CCM2: variants seen among roughly 807,000 people sequenced by gnomAD.
CCM2 encodes the protein CCM2 scaffold protein, also known as cerebral cavernous malformations 2 protein.
In CCM2, 25 loss-of-function variants were observed where a neutral mutation model predicts 44.9. The observed-to-expected ratio is 0.56, with a 90% CI of 0.41 to 0.78. The LOEUF (loss-of-function observed/expected upper bound fraction) is 0.78. CCM2 is among the 30% of genes least tolerant of loss of function. The pLI, the probability that CCM2 is intolerant of heterozygous loss-of-function variation, is 0.00. For missense variants in CCM2, 481 were observed against 580.6 expected, an observed-to-expected ratio of 0.83 and a Z score of 1.76; for synonymous variants, 219 against 241.1, an observed-to-expected ratio of 0.91 and a Z score of 0.85.
intron 1 of CCM2, among the ~76,000 whole-genome samples, chr7:45,018,319 T>A (rs1279671368): frequency 6.6e-6 from 1 of 152,090 alleles, no homozygotes; most frequent in African/African-American, 2.4e-5. Flanking sequence ...GGATATAGAA[T>A]TCTAGGTTGA....
chr7:45,058,575 T>C (rs1455714001), intron 2 of CCM2, among the ~76,000 whole-genome samples: 2 of 151,336 alleles, frequency 1.3e-5, no homozygotes, highest in Admixed American at 6.6e-5. Flanking sequence ...CGGTGTTTGT[T>C]TTTTTGTCCT....
At chr7:45,005,420 C>T (rs575787534) in intron 1 of CCM2, among the ~76,000 whole-genome samples, 4 of 152,358 alleles carry the variant, frequency 2.6e-5, no homozygotes, top group East Asian at 1.9e-4. Flanking sequence ...AAACGTTTCT[C>T]TTAGCAATAT....
intron 1 of CCM2, among the ~76,000 whole-genome samples, chr7:45,035,101 G>C (rs916911619): frequency 6.6e-6 from 1 of 152,162 alleles, no homozygotes; most frequent in Non-Finnish European, 1.5e-5. Context: ...TCCCAAAAGT[G>C]TTGGGATTAT....
intron 1 of CCM2, among the ~76,000 whole-genome samples, chr7:45,004,079 C>T (rs1399643341): frequency 6.6e-6 from 1 of 151,978 alleles, no homozygotes; most frequent in African/African-American, 2.4e-5. Context: ...ACTTGGGATG[C>T]TGAGAAGGGA....
intron 1 of CCM2, among the ~76,000 whole-genome samples, chr7:45,009,174 G>C (rs977231220): frequency 3.7e-4 from 56 of 151,664 alleles, no homozygotes; most frequent in African/African-American, 1.3e-3. Flanking sequence ...GGTGGTGTGT[G>C]CCTGTAATCC....
At chr7:45,001,818 A>G (rs572168572) in intron 1 of CCM2, among the ~76,000 whole-genome samples, 48 of 152,338 alleles carry the variant, frequency 3.2e-4, no homozygotes, top group African/African-American at 1.2e-3. Flanking sequence ...AAAACAGTAA[A>G]ATTATCAAGA....
At chr7:45,008,524 G>A (rs1223666995) in intron 1 of CCM2, among the ~76,000 whole-genome samples, 8 of 151,954 alleles carry the variant, frequency 5.3e-5, no homozygotes, top group South Asian at 2.1e-4. Flanking sequence ...CACCAAGTCC[G>A]GCTAATTTTG....
At chr7:45,074,665 G>A (rs1047567876) in intron 9 of CCM2, among the ~76,000 whole-genome samples, 7 of 152,214 alleles carry the variant, frequency 4.6e-5, no homozygotes, top group African/African-American at 1.7e-4. Flanking sequence ...AAGCTGAGCT[G>A]GGTGGGCCCT....
At chr7:45,019,599 T>C (rs918290644) in intron 1 of CCM2, among the ~76,000 whole-genome samples, 4 of 152,140 alleles carry the variant, frequency 2.6e-5, no homozygotes, top group Admixed American at 2.6e-4. Flanking sequence ...CAGCTTTTTT[T>C]TTGAGACGGA....
In CCM2 at chr7:45,072,763, C is replaced by T. The variant is rs758672246; in HGVS notation, c.783C>T (p.Tyr261=). The T allele has an allele frequency of 2.6e-5, 42 of 1,612,596 alleles. No homozygotes were observed. The highest frequency in any genetic ancestry group is 6.7e-5 in the African/African-American group (5 of 74,916). ...SSTKVDIKET[Y]EVEASTFCFP... ...CAAAAGTGGACATTAAGGAGACCTACGAGGTGGAAGCCAGCACTTTGTGAG... is the reference window on the plus strand; with the variant it reads ...CAAAAGTGGACATTAAGGAGACCTATGAGGTGGAAGCCAGCACTTTGTGAG... Residue 261 remains tyrosine, a synonymous_variant, in exon 7 of 10, where the codon TAC becomes TAT. Coordinates refer to ENST00000258781, the MANE Select transcript of CCM2 (RefSeq NM_031443.4).
chr7:45,072,643 T>C (rs1799134978), intron 6 of CCM2, 83 bp from the exon 7 acceptor site: 1 of 1,068,762 alleles, frequency 9.4e-7, no homozygotes, highest in Admixed American at 1.7e-5. Context: ...CTGTCTCCTG[T>C]AAATACAGCA....
At chr7:45,064,978 C>A (rs1798703513) in intron 4 of CCM2, among the ~76,000 whole-genome samples, 1 of 152,092 alleles carries the variant, frequency 6.6e-6, no homozygotes, top group African/African-American at 2.4e-5. Context: ...TGTGGTGGAG[C>A]CTAGAGAGAG....
chr7:45,040,103 T>TAA lies in CCM2; in HGVS notation c.204+1685_204+1686dup, dbSNP rs1026817619. Among the ~76,000 whole-genome samples, 6 of 145,780 alleles carry TAA rather than the reference T, an allele frequency of 4.1e-5. No individual in the cohort carries two copies. The Admixed American group carries it at 4.1e-4, about 10-fold the overall frequency. ...CAATAGAGGTGTTGAAAGATAAAAG[T>TAA]AAAAAAAAAGGCCAGGTGCTGTGGC... On this transcript the variant is annotated intron_variant, in intron 2 of 9. Transcript: ENST00000258781.
In CCM2 at chr7:45,073,693, G is replaced by GAGCA. The variant is rs910703503; in HGVS notation, c.915+123_915+126dup. On this transcript the variant is annotated intron_variant, in intron 8 of 9. Coordinates refer to ENST00000258781, the MANE Select transcript of CCM2 (RefSeq NM_031443.4). ...AGGCTGCAGTGAGTGAGGTCACCTA[G>GAGCA]AGCACTCTTGGTCAATTTTGCTGAC... 3 of 667,014 alleles carry GAGCA rather than the reference G, an allele frequency of 4.5e-6. No homozygotes were observed. The African/African-American group carries it at 5.4e-5, about 12-fold the overall frequency. The allele number at this position is 667,014 out of a possible 1,614,324, so 41.3% of individuals were successfully genotyped here. A position where few individuals can be genotyped will look rare whatever the true frequency, so the allele number is the denominator to read the frequency against.
At chr7:45,001,529 G>A (rs1795628914) in intron 1 of CCM2, among the ~76,000 whole-genome samples, 1 of 152,252 alleles carries the variant, frequency 6.6e-6, no homozygotes, top group Admixed American at 6.5e-5. Context: ...GCTTAGTAGG[G>A]ACCATCAGGC....
At chr7:45,061,305 C>A (rs1798506777) in intron 2 of CCM2, among the ~76,000 whole-genome samples, 1 of 152,058 alleles carries the variant, frequency 6.6e-6, no homozygotes, top group African/African-American at 2.4e-5. Flanking sequence ...TTTTCCTCCC[C>A]CTTAGGAGAG....
At chr7:45,069,118 G>A (rs73108000) in intron 5 of CCM2, among the ~76,000 whole-genome samples, 8,120 of 152,296 alleles carry the variant, frequency 0.053, 257 homozygotes, top group African/African-American at 0.079. Context: ...ATAGCTGTGG[G>A]GCCTTGGCAG....
At chr7:45,046,678 G>A (rs1017477956) in intron 2 of CCM2, among the ~76,000 whole-genome samples, 2 of 152,170 alleles carry the variant, frequency 1.3e-5, no homozygotes, top group South Asian at 2.1e-4. Context: ...GCAGGGCTAC[G>A]CAGAGTTCTG....
chr7:45,026,126 C>CT, intron 1 of CCM2, among the ~76,000 whole-genome samples: 1 of 152,196 alleles, frequency 6.6e-6, no homozygotes, highest in East Asian at 1.9e-4. Context: ...AGTGGCACCT[C>CT]TTTCTGTATC....
Sources: gnomAD v4.1 joint callset for allele counts (sites outside exome capture counted in the v4.1 genomes callset) on GRCh38, gnomAD v4.1.1 for gene constraint, MANE v1.5 for transcripts, NCBI Gene and HGNC (gene_info 2026-07-23, HGNC 2026-07-21) for gene names.